Variants in AK2 observed in about 807,000 individuals in gnomAD.
AK2 encodes adenylate kinase 2, also known as adenylate kinase 2, mitochondrial.
In AK2, 15 loss-of-function variants were observed where a neutral mutation model predicts 24.6. The observed-to-expected ratio is 0.61, with a 90% CI of 0.41 to 0.94. AK2 has a LOEUF of 0.94. Among genes scored for constraint, AK2 ranks in the 40% least tolerant of loss-of-function variants. AK2 has a pLI of 0.00. For synonymous variants in AK2, 102 were observed against 114.0 expected (o/e 0.90, Z 0.67); for missense variants, 257 against 304.1 (o/e 0.85, Z 1.15).
In AK2 at chr1:33,021,472, A is replaced by G. The variant is rs184410375; in HGVS notation, c.331-11T>C. 43 of 1,613,544 alleles carry G rather than the reference A, an allele frequency of 2.7e-5. No individual in the cohort carries two copies. In the Admixed American group the frequency reaches 5.2e-4, roughly 19 times the overall value. ...CATGAGGTCATCGAGCTGTAAAAGAATGTGTGGCCCACCTAAGCTACCAGA... is the reference window on the plus strand; with the variant it reads ...CATGAGGTCATCGAGCTGTAAAAGAGTGTGTGGCCCACCTAAGCTACCAGA... On this transcript the variant is annotated splice_polypyrimidine_tract_variant and intron_variant, in intron 3 of 5. Coordinates refer to ENST00000672715, the MANE Select transcript of AK2 (RefSeq NM_001625.4).
chr1:33,008,494 C>T lies in AK2; in HGVS notation c.*4687G>A, dbSNP rs1638612441. On this transcript the variant is annotated 3_prime_UTR_variant, in exon 6 of 6. Coordinates refer to ENST00000672715, the MANE Select transcript of AK2 (RefSeq NM_001625.4). ...ACTTCTTCAAAATCAGTTCCGGCAG[C>T]GCTGAGTGTCCATGGAAAAGAGCTC... 4.4e-6 allele frequency: 2 copies of T among 454,048 alleles called. No individual in the cohort carries two copies. The highest frequency in any genetic ancestry group is 8.8e-6 in the Non-Finnish European group (2 of 226,792). 28.1% of individuals were successfully genotyped at this position (454,048 alleles called of 1,614,324 possible). A position where few individuals can be genotyped will look rare whatever the true frequency, so the allele number is the denominator to read the frequency against.
At position 33,009,657 on chromosome 1, in the gene AK2, C is replaced by T. The variant is rs751119198; in HGVS notation, c.*3524G>A. On this transcript the variant is annotated 3_prime_UTR_variant, in exon 6 of 6. Transcript: ENST00000672715. The stretch of plus-strand genomic sequence containing the variant: ...AGGAGCACAGTGAATAACTAACTGG[C>T]TGGGATTTGTCCTAGGTCCCCTGAA... 1.1e-5 allele frequency: 5 copies of T among 453,604 alleles called. No individual in the cohort carries two copies. Among genetic ancestry groups the T allele is most frequent in the South Asian group, 4.7e-5 (3 of 64,486 alleles). The allele number at this position is 453,604 out of a possible 1,614,324, so 28.1% of individuals were successfully genotyped here. A position where few individuals can be genotyped will look rare whatever the true frequency, so the allele number is the denominator to read the frequency against.
Position 33,021,616 on chromosome 1 carries a change from G to C in AK2, c.307C>G (p.Arg103Gly), listed in dbSNP as rs267606648. Residue 103 changes from arginine (R) to glycine (G), a missense_variant, in exon 3 of 6, where the codon CGG (arginine) becomes GGG (glycine). By Grantham distance (125) the Arg-to-Gly change is moderately radical (BLOSUM62 -2). Transcript: ENST00000672715. ...ACCATTTCTGCCTGCCTCACAGTCCGAGGGAAGCCATCCAGAAGAAAACCA... is the reference window on the plus strand; with the variant it reads ...ACCATTTCTGCCTGCCTCACAGTCCCAGGGAAGCCATCCAGAAGAAAACCA... The part of the protein sequence containing the change: ...KNGFLLDGFP[R>G]TVRQAEMLDD... The C allele has an allele frequency of 6.2e-7, 1 of 1,613,962 alleles. No homozygotes were observed. The highest frequency in any genetic ancestry group is 8.5e-7 in the Non-Finnish European group (1 of 1,179,956).
rs1160092707 is a variant in AK2 at position 33,008,611 on chromosome 1, CTG to C, written c.*4568_*4569del. The C allele has an allele frequency of 8.8e-6, 4 of 454,004 alleles. No homozygotes were observed. Among genetic ancestry groups the C allele is most frequent in the East Asian group, 6.9e-5 (1 of 14,412 alleles). 28.1% of individuals were successfully genotyped at this position (454,004 alleles called of 1,614,324 possible). ...CAAGGGGACGGATAAGTGTTAGAGA[CTG>C]TGTTTCAGTCCTGACTGCCTCTTAT... On this transcript the variant is annotated 3_prime_UTR_variant, in exon 6 of 6. Coordinates refer to ENST00000672715, the MANE Select transcript of AK2 (RefSeq NM_001625.4).
intron 1 of AK2, 104 bp downstream of exon 1, chr1:33,036,632 T>C (rs1265015955): frequency 2.7e-6 from 3 of 1,105,004 alleles, no homozygotes; most frequent in South Asian, 1.3e-5. Context: ...CCGCAGGCCT[T>C]AGTCCCCGGC....
intron 4 of AK2, chr1:33,019,856 G>T: frequency 7.8e-7 from 1 of 1,275,218 alleles, no homozygotes; most frequent in Non-Finnish European, 9.9e-7. Flanking sequence ...AGTAAACAAT[G>T]GTTAACCTAC....
chr1:33,026,816 C>T (rs749952188), intron 1 of AK2, among the ~76,000 whole-genome samples: 19 of 148,978 alleles, frequency 1.3e-4, no homozygotes, highest in East Asian at 8.2e-4. Context: ...CACAAAAAAA[C>T]AGCAACAAAA....
At position 33,008,299 on chromosome 1, in the gene AK2, G is replaced by A. The variant is rs1164666451; in HGVS notation, c.*4882C>T. The A allele has an allele frequency of 2.2e-6, 1 of 454,050 alleles. No individual in the cohort carries two copies. Among genetic ancestry groups the A allele is most frequent in the Non-Finnish European group, 4.4e-6 (1 of 226,756 alleles). The allele number at this position is 454,050 out of a possible 1,614,324, so 28.1% of individuals were successfully genotyped here. ...GATAACTTGTCCAAGGTCGCATGGT[G>A]AAGTCGCTGTTGAAATCTGTCTTCT... On this transcript the variant is annotated 3_prime_UTR_variant, in exon 6 of 6. Coordinates refer to ENST00000672715, the MANE Select transcript of AK2 (RefSeq NM_001625.4).
chr1:33,022,064 A>G (rs1480578427), intron 2 of AK2, among the ~76,000 whole-genome samples: 1 of 152,190 alleles, frequency 6.6e-6, no homozygotes, highest in African/African-American at 2.4e-5. Flanking sequence ...AAACTGTCAG[A>G]TAACAGCTTA....
chr1:33,009,069 C>G lies in AK2; in HGVS notation c.*4112G>C. ...GTAAGGCTAACACCTGAAAATGACT[C>G]TGCACAGGTGAGGAAGTGGAGCAGA... On this transcript the variant is annotated 3_prime_UTR_variant, in exon 6 of 6. Transcript: ENST00000672715. The G allele has an allele frequency of 2.2e-6, 1 of 454,102 alleles. No homozygotes were observed. The highest frequency in any genetic ancestry group is 6.9e-4 in the Middle Eastern group (1 of 1,444). 28.1% of individuals were successfully genotyped at this position (454,102 alleles called of 1,614,324 possible).
chr1:33,014,061 G>C (rs1190105995), intron 5 of AK2, among the ~76,000 whole-genome samples: 8 of 152,126 alleles, frequency 5.3e-5, no homozygotes, highest in Non-Finnish European at 1.0e-4. Context: ...TATGGCAAAT[G>C]GTGCAGTGAC....
Position 33,019,010 on chromosome 1 carries a change from C to T in AK2, c.425+2357G>A, listed in dbSNP as rs115806737. On this transcript the variant is annotated intron_variant, in intron 4 of 5. Transcript: ENST00000672715. ...ACAGCATTCCTTCTACCTTCCTGCC[C>T]CCCAGACCACTGGGCAGACACGTCT... 4.0e-3 allele frequency among the ~76,000 whole-genome samples: 607 copies of T among 152,306 alleles called. 7 individuals are homozygous for T. The highest frequency in any genetic ancestry group is 0.014 in the African/African-American group (568 of 41,556).
chr1:33,012,908 C>CA lies in AK2; in HGVS notation c.*272dup. 2 of 1,401,416 alleles carry CA rather than the reference C, an allele frequency of 1.4e-6. No individual in the cohort carries two copies. Among genetic ancestry groups the CA allele is most frequent in the Non-Finnish European group, 1.9e-6 (2 of 1,062,178 alleles). 86.8% of individuals were successfully genotyped at this position (1,401,416 alleles called of 1,614,324 possible). A position where few individuals can be genotyped will look rare whatever the true frequency, so the allele number is the denominator to read the frequency against. Reference sequence around the variant, plus strand: ...GCGAAACCTTGTCTCAAAACAACAACAAAAAAGAAGTAAACAGCTGGTAAA... The same window carrying CA: ...GCGAAACCTTGTCTCAAAACAACAACAAAAAAAGAAGTAAACAGCTGGTAAA... On this transcript the variant is annotated 3_prime_UTR_variant, in exon 6 of 6. Transcript: ENST00000672715.
Position 33,010,312 on chromosome 1 carries a change from T to G in AK2, c.*2869A>C, listed in dbSNP as rs1460961914. The G allele has an allele frequency of 2.2e-6, 1 of 456,162 alleles. No homozygotes were observed. Among genetic ancestry groups the G allele is most frequent in the South Asian group, 1.6e-5 (1 of 64,506 alleles). The allele number at this position is 456,162 out of a possible 1,614,324, so 28.3% of individuals were successfully genotyped here. On this transcript the variant is annotated 3_prime_UTR_variant, in exon 6 of 6. Transcript: ENST00000672715. The stretch of plus-strand genomic sequence containing the variant: ...TTGATTTGTTGAGCCACCATCCCTA[T>G]GAATACACCTTACATCTCTTTCAAA...
At chr1:33,017,300 C>T (rs1454081457) in intron 4 of AK2, among the ~76,000 whole-genome samples, 2 of 152,156 alleles carry the variant, frequency 1.3e-5, no homozygotes, top group Non-Finnish European at 2.9e-5. Context: ...GTTCCTGTGA[C>T]TGCAGTCATG....
intron 1 of AK2, among the ~76,000 whole-genome samples, chr1:33,026,130 G>T (rs1268208155): frequency 2.0e-5 from 3 of 152,232 alleles, no homozygotes; most frequent in Non-Finnish European, 4.4e-5. Context: ...CCGTTCAATT[G>T]TTTTATAAAC....
chr1:33,027,086 C>T (rs543288555), intron 1 of AK2, among the ~76,000 whole-genome samples: 11 of 152,180 alleles, frequency 7.2e-5, no homozygotes, highest in Non-Finnish European at 1.2e-4. Context: ...AGATCCAGCC[C>T]GGGCGAAGAA....
Position 33,012,451 on chromosome 1 carries a change from T to C in AK2, c.*730A>G. The C allele has an allele frequency of 1.4e-6, 2 of 1,439,474 alleles. No homozygotes were observed. The allele number at this position is 1,439,474 out of a possible 1,614,324, so 89.2% of individuals were successfully genotyped here. ...CTGTCCATAATGTGCCATCAGGAAC[T>C]GTGACCCTGCCTGACTTCACATGAT... On this transcript the variant is annotated 3_prime_UTR_variant, in exon 6 of 6. Transcript: ENST00000672715.
chr1:33,020,094 T>C, intron 4 of AK2: 1 of 1,535,282 alleles, frequency 6.5e-7, no homozygotes. Context: ...GAGACAACTG[T>C]AGGCTAAAGC....
Sources: gnomAD v4.1 joint callset for allele counts (sites outside exome capture counted in the v4.1 genomes callset) on GRCh38, gnomAD v4.1.1 for gene constraint, MANE v1.5 for transcripts, NCBI Gene and HGNC (gene_info 2026-07-23, HGNC 2026-07-21) for gene names.